Variants in MEI4 observed in about 807,000 individuals in gnomAD.
MEI4 encodes the protein meiotic double-stranded break formation protein 4.
MEI4 carries 27 observed loss-of-function variants against 31.4 expected under a neutral mutation model. That is an observed-to-expected ratio of 0.86 (90% CI 0.63 to 1.19). The LOEUF (loss-of-function observed/expected upper bound fraction) is 1.19. MEI4 is among the 50% of genes most tolerant of loss of function. MEI4 has a pLI of 0.00. For missense variants in MEI4, 329 were observed against 398.9 expected, an observed-to-expected ratio of 0.82 and a Z score of 1.49; for synonymous variants, 122 against 145.4, an observed-to-expected ratio of 0.84 and a Z score of 1.16.
chr6:77,868,497 T>C (rs1320602382), intron 4 of MEI4, among the ~76,000 whole-genome samples: 5 of 15,414 alleles, frequency 3.2e-4, no homozygotes, highest in African/African-American at 4.8e-4. Context: ...ATGTAAAAAA[T>C]ACTACATATA....
chr6:77,818,778 G>C (rs1054654733), intron 3 of MEI4, among the ~76,000 whole-genome samples: 1 of 152,132 alleles, frequency 6.6e-6, no homozygotes, highest in Non-Finnish European at 1.5e-5. Flanking sequence ...CTAGGCTGAT[G>C]TGCAGTGGCA....
At chr6:77,667,903 G>C (rs1768667609) in intron 1 of MEI4, among the ~76,000 whole-genome samples, 1 of 151,504 alleles carries the variant, frequency 6.6e-6, no homozygotes, top group Non-Finnish European at 1.5e-5. Flanking sequence ...AGCTGGAAGA[G>C]TAGCAGTGTT....
chr6:77,768,773 A>G (rs1436896903), intron 3 of MEI4, among the ~76,000 whole-genome samples: 5 of 151,720 alleles, frequency 3.3e-5, no homozygotes, highest in Non-Finnish European at 7.4e-5. Context: ...GCAATATAGG[A>G]TCACCTGTTT....
intron 2 of MEI4, among the ~76,000 whole-genome samples, chr6:77,752,143 C>G (rs1767791465): frequency 6.6e-6 from 1 of 152,110 alleles, no homozygotes; most frequent in Non-Finnish European, 1.5e-5. Flanking sequence ...CTATTTATGA[C>G]AAACCCACAG....
intron 3 of MEI4, among the ~76,000 whole-genome samples, chr6:77,774,439 C>T (rs957290133): frequency 3.8e-4 from 58 of 152,064 alleles, no homozygotes; most frequent in Admixed American, 9.2e-4. Context: ...CATGTTCTTA[C>T]TTATTTGTGG....
chr6:77,712,020 T>G (rs1211798036), intron 2 of MEI4, among the ~76,000 whole-genome samples: 1 of 152,164 alleles, frequency 6.6e-6, no homozygotes, highest in Non-Finnish European at 1.5e-5. Flanking sequence ...TATTTTTCCT[T>G]CCATTGATTC....
At chr6:77,838,905 A>G (rs886095983) in intron 4 of MEI4, among the ~76,000 whole-genome samples, 4 of 148,202 alleles carry the variant, frequency 2.7e-5, no homozygotes, top group Non-Finnish European at 6.0e-5. Flanking sequence ...CTCTATCTCA[A>G]AAAAAAAAAA....
At chr6:77,705,197 C>G (rs150250492) in intron 2 of MEI4, among the ~76,000 whole-genome samples, 1,884 of 148,920 alleles carry the variant, frequency 0.013, 43 homozygotes, top group African/African-American at 0.042. Context: ...TTACTGCCTT[C>G]GTTTGTTCTT....
chr6:77,836,156 G>T (rs1770214969), intron 4 of MEI4, among the ~76,000 whole-genome samples: 2 of 151,948 alleles, frequency 1.3e-5, no homozygotes, highest in South Asian at 4.2e-4. Flanking sequence ...ATCTCTTTAG[G>T]TGTCAGACAT....
At chr6:77,667,379 C>T (rs948362542) in intron 1 of MEI4, among the ~76,000 whole-genome samples, 1 of 152,230 alleles carries the variant, frequency 6.6e-6, no homozygotes, top group African/African-American at 2.4e-5. Flanking sequence ...ATTTCCATAT[C>T]GATAAATTTC....
At chr6:77,755,918 G>A (rs539187003) in intron 2 of MEI4, among the ~76,000 whole-genome samples, 8 of 151,510 alleles carry the variant, frequency 5.3e-5, no homozygotes, top group Admixed American at 1.3e-4. Context: ...AGACATTACC[G>A]CAAGCTTGTC....
chr6:77,759,903 C>T (rs554672051), intron 2 of MEI4, among the ~76,000 whole-genome samples: 111 of 152,238 alleles, frequency 7.3e-4, no homozygotes, highest in Non-Finnish European at 1.3e-3. Context: ...TTCAGTGCCT[C>T]ATTCCTGTTC....
intron 1 of MEI4, among the ~76,000 whole-genome samples, chr6:77,673,391 C>T (rs151275063): frequency 1.2e-3 from 180 of 152,278 alleles, no homozygotes; most frequent in African/African-American, 4.2e-3. Context: ...TTGTTACTAA[C>T]ATATTTCTTG....
chr6:77,800,594 T>G (rs556219390), intron 3 of MEI4, among the ~76,000 whole-genome samples: 216 of 152,280 alleles, frequency 1.4e-3, no homozygotes, highest in African/African-American at 5.1e-3. Flanking sequence ...ATGCTTCCAG[T>G]TTTTGCCCAT....
chr6:77,780,916 CTT>C (rs1357302150), intron 3 of MEI4, among the ~76,000 whole-genome samples: 3 of 151,560 alleles, frequency 2.0e-5, no homozygotes, highest in Admixed American at 1.3e-4. Flanking sequence ...AGAATTTACT[CTT>C]TTTAGAAAAA....
At chr6:77,767,639 G>C (rs1304137642) in intron 3 of MEI4, among the ~76,000 whole-genome samples, 2 of 151,974 alleles carry the variant, frequency 1.3e-5, no homozygotes, top group African/African-American at 4.8e-5. Flanking sequence ...AGAGATTGCA[G>C]TGAGAACAGA....
intron 1 of MEI4, among the ~76,000 whole-genome samples, chr6:77,662,858 A>G (rs1487586311): frequency 1.3e-5 from 2 of 150,760 alleles, no homozygotes; most frequent in Non-Finnish European, 3.0e-5. Flanking sequence ...TTATGCCGAG[A>G]TAGGTAACAG....
intron 4 of MEI4, among the ~76,000 whole-genome samples, chr6:77,922,344 G>T (rs1463609307): frequency 1.3e-5 from 2 of 151,610 alleles, no homozygotes; most frequent in Non-Finnish European, 3.0e-5. Context: ...ACTTTTCAGA[G>T]GATCCATTTC....
Position 77,923,531 on chromosome 6 carries a change from A to G in MEI4, c.*185A>G, listed in dbSNP as rs1174676778. 2.0e-6 allele frequency: 1 copy of G among 498,260 alleles called. No individual in the cohort carries two copies. The allele number at this position is 498,260 out of a possible 1,614,324, so 30.9% of individuals were successfully genotyped here. A position where few individuals can be genotyped will look rare whatever the true frequency, so the allele number is the denominator to read the frequency against. On this transcript the variant is annotated 3_prime_UTR_variant, in exon 5 of 5. Transcript: ENST00000684080. ...GAAATTTTATGAGTCATATTTCTAT[A>G]CTAAAATCAGCCAGTTTCGGTTGGT...
Sources: gnomAD v4.1 joint callset for allele counts (sites outside exome capture counted in the v4.1 genomes callset) on GRCh38, gnomAD v4.1.1 for gene constraint, MANE v1.5 for transcripts, NCBI Gene and HGNC (gene_info 2026-07-23, HGNC 2026-07-21) for gene names.